SYT17: variants seen among roughly 807,000 people sequenced by gnomAD.
SYT17 encodes the protein synaptotagmin 17.
In SYT17, 22 loss-of-function variants were observed where a neutral mutation model predicts 46.7. The ratio of observed to expected loss-of-function variants is 0.47; its 90% CI spans 0.34 to 0.67. The LOEUF (loss-of-function observed/expected upper bound fraction) is 0.67. SYT17 is among the 30% of genes least tolerant of loss of function. The pLI is 0.01. For synonymous variants in SYT17, 251 were observed against 248.4 expected, an observed-to-expected ratio of 1.01 and a Z score of -0.10; for missense variants, 519 against 612.8, an observed-to-expected ratio of 0.85 and a Z score of 1.62.
intron 4 of SYT17, among the ~76,000 whole-genome samples, chr16:19,180,877 T>G (rs1390050539): frequency 6.6e-6 from 1 of 152,232 alleles, no homozygotes; most frequent in East Asian, 1.9e-4. Context: ...GGTTTGTCAA[T>G]TCTGGTGACT....
At chr16:19,175,293 G>A (rs577954067) in intron 3 of SYT17, among the ~76,000 whole-genome samples, 1 of 152,222 alleles carries the variant, frequency 6.6e-6, no homozygotes, top group South Asian at 2.1e-4. Context: ...TTATTCATAA[G>A]TTGTGGCCTG....
chr16:19,231,008 T>C (rs757289405), intron 7 of SYT17, among the ~76,000 whole-genome samples: 3 of 152,156 alleles, frequency 2.0e-5, no homozygotes, highest in Non-Finnish European at 2.9e-5. Flanking sequence ...AAATAAATAA[T>C]ATAGTTTATC....
intron 7 of SYT17, among the ~76,000 whole-genome samples, chr16:19,229,132 G>T (rs1487027289): frequency 1.3e-5 from 2 of 152,240 alleles, no homozygotes; most frequent in African/African-American, 4.8e-5. Context: ...CTGAACCAAA[G>T]TAAAGTGGAG....
intron 7 of SYT17, among the ~76,000 whole-genome samples, chr16:19,232,038 G>A (rs1228449007): frequency 1.3e-5 from 2 of 152,170 alleles, no homozygotes; most frequent in Non-Finnish European, 2.9e-5. Flanking sequence ...AGGATTGCAG[G>A]GGATGCAGAG....
chr16:19,176,698 T>TAG (rs1481649099), intron 3 of SYT17, among the ~76,000 whole-genome samples: 2 of 152,064 alleles, frequency 1.3e-5, no homozygotes, highest in Non-Finnish European at 2.9e-5. Context: ...TCACCCCTTG[T>TAG]AGAGATAGGC....
At chr16:19,172,688 G>A (rs1034235894) in intron 1 of SYT17, 72 bp from the exon 2 acceptor site, 67 of 1,598,506 alleles carry the variant, frequency 4.2e-5, no homozygotes, top group African/African-American at 1.4e-5. Context: ...TGCTAAACTG[G>A]TCTTGTCTCT....
At position 19,255,240 on chromosome 16, in the gene SYT17, G is replaced by C. The variant is rs562384812; in HGVS notation, c.1229-11640G>C. Among the ~76,000 whole-genome samples the C allele has an allele frequency of 4.6e-5, 7 of 152,202 alleles. No homozygotes were observed. In the South Asian group the frequency reaches 1.2e-3, roughly 27 times the overall value. On this transcript the variant is annotated intron_variant, in intron 7 of 7. Transcript: ENST00000355377. ...CTTTGGTTGGGAGAGGGGAGGCTTCGGTTTTAATGAAGGGAACTCCCATCG... is the reference window on the plus strand; with the variant it reads ...CTTTGGTTGGGAGAGGGGAGGCTTCCGTTTTAATGAAGGGAACTCCCATCG...
At chr16:19,173,112 A>C in intron 2 of SYT17, 1 of 540,896 alleles carries the variant, frequency 1.8e-6, no homozygotes, top group South Asian at 2.7e-5. Flanking sequence ...TATAGCCCTT[A>C]TGATGTTGTA....
intron 7 of SYT17, among the ~76,000 whole-genome samples, chr16:19,251,648 C>G (rs1350591560): frequency 6.6e-6 from 1 of 152,106 alleles, no homozygotes. Context: ...GCTTCCTCTT[C>G]CCAGGGGAGG....
intron 5 of SYT17, among the ~76,000 whole-genome samples, chr16:19,202,928 G>A (rs1343971082): frequency 6.6e-6 from 1 of 152,040 alleles, no homozygotes; most frequent in African/African-American, 2.4e-5. Context: ...GGGTTGCCCA[G>A]GCTGATCTCA....
chr16:19,249,813 C>G, intron 7 of SYT17: 1 of 918,098 alleles, frequency 1.1e-6, no homozygotes, highest in East Asian at 2.8e-5. Flanking sequence ...TCTGGCCATG[C>G]ATGGTCTGTT....
rs147197661 is a variant in SYT17, at chr16:19,191,468, A to G, written c.951+7321A>G. Among the ~76,000 whole-genome samples the G allele has an allele frequency of 7.6e-4, 116 of 152,314 alleles. 2 individuals carry two copies. The East Asian group carries it at 0.019, about 25-fold the overall frequency. On this transcript the variant is annotated intron_variant, in intron 5 of 7. Coordinates refer to ENST00000355377, the MANE Select transcript of SYT17 (RefSeq NM_016524.4). ...AGGAATGGTCCTCAGCAGACATGAAATCAGCTGGTGGCTTGATCTTGGACT... is the reference window on the plus strand; with the variant it reads ...AGGAATGGTCCTCAGCAGACATGAAGTCAGCTGGTGGCTTGATCTTGGACT...
At chr16:19,259,388 CATG>C (rs1197653539) in intron 7 of SYT17, among the ~76,000 whole-genome samples, 1 of 152,180 alleles carries the variant, frequency 6.6e-6, no homozygotes, top group Non-Finnish European at 1.5e-5. Flanking sequence ...CTAATGGATT[CATG>C]ATCATAATTA....
Position 19,267,160 on chromosome 16 carries a change from A to C in SYT17, c.*84A>C. ...ATGTGTCACATACTATTACATCCAC[A>C]CCTGCATACACACTCGCAACATGTC... On this transcript the variant is annotated 3_prime_UTR_variant, in exon 8 of 8. Coordinates refer to ENST00000355377, the MANE Select transcript of SYT17 (RefSeq NM_016524.4). 1 of 1,206,994 alleles carries C rather than the reference A, an allele frequency of 8.3e-7. No homozygotes were observed. Among genetic ancestry groups the C allele is most frequent in the East Asian group, 2.6e-5 (1 of 38,874 alleles). 74.8% of individuals were successfully genotyped at this position (1,206,994 alleles called of 1,614,324 possible). A position where few individuals can be genotyped will look rare whatever the true frequency, so the allele number is the denominator to read the frequency against.
chr16:19,232,340 C>T (rs756188485), intron 7 of SYT17, among the ~76,000 whole-genome samples: 10 of 152,138 alleles, frequency 6.6e-5, no homozygotes, highest in Admixed American at 5.2e-4. Flanking sequence ...CATGCATCTG[C>T]GTCGCCCAGG....
intron 7 of SYT17, among the ~76,000 whole-genome samples, chr16:19,227,145 C>A (rs78020262): frequency 2.0e-5 from 3 of 152,156 alleles, no homozygotes; most frequent in African/African-American, 7.2e-5. Context: ...AATAAACACA[C>A]GGTGCTGAGC....
chr16:19,187,553 T>C (rs995064363), intron 5 of SYT17, among the ~76,000 whole-genome samples: 3 of 152,212 alleles, frequency 2.0e-5, no homozygotes, highest in Non-Finnish European at 4.4e-5. Context: ...GCTATATGAG[T>C]ATTTCACTTT....
Position 19,188,870 on chromosome 16 carries a change from C to G in SYT17, c.951+4723C>G, listed in dbSNP as rs185172335. Among the ~76,000 whole-genome samples the G allele has an allele frequency of 4.6e-5, 7 of 152,200 alleles. No homozygotes were observed. In the East Asian group the frequency reaches 1.4e-3, roughly 29 times the overall value. On this transcript the variant is annotated intron_variant, in intron 5 of 7. Transcript: ENST00000355377. ...CTAACGTCACATGGACATTTTTGCC[C>G]TGTGTGTGTCTGTGTCTCTTCTCTT...
At chr16:19,221,182 G>T (rs1251154875) in intron 5 of SYT17, among the ~76,000 whole-genome samples, 3 of 121,544 alleles carry the variant, frequency 2.5e-5, no homozygotes, top group East Asian at 2.4e-4. Context: ...GTGAGACCTT[G>T]TCTCAAAAAA....
Sources: allele counts gnomAD v4.1 joint callset (sites outside exome capture counted in the v4.1 genomes callset), GRCh38; gene constraint gnomAD v4.1.1; transcripts MANE v1.5; gene names NCBI Gene and HGNC (gene_info 2026-07-23, HGNC 2026-07-21).